Variants in PTPRT observed in about 807,000 individuals in gnomAD.
The protein encoded by PTPRT is receptor-type tyrosine-protein phosphatase T.
PTPRT carries 56 observed loss-of-function variants against 176.8 expected under a neutral mutation model. That is an observed-to-expected ratio of 0.32 (90% CI 0.26 to 0.40). The LOEUF is 0.40. Ranked by LOEUF, PTPRT falls within the 10% of genes least tolerant of loss-of-function variation. The pLI, the probability that PTPRT is intolerant of heterozygous loss-of-function variation, is 1.00. For synonymous variants in PTPRT, 783 were observed against 739.0 expected (o/e 1.06, Z -0.96); for missense variants, 1,540 against 1,908.2 (o/e 0.81, Z 3.60).
intron 1 of PTPRT, among the ~76,000 whole-genome samples, chr20:42,895,035 T>G (rs965638755): frequency 6.6e-6 from 1 of 152,046 alleles, no homozygotes; most frequent in African/African-American, 2.4e-5. Context: ...CACAGAAAAA[T>G]AATGTGGTCA....
intron 9 of PTPRT, among the ~76,000 whole-genome samples, chr20:42,393,441 G>A (rs1420671414): frequency 6.6e-6 from 1 of 152,074 alleles, no homozygotes; most frequent in Admixed American, 6.6e-5. Flanking sequence ...AACCACGAAG[G>A]AATACACAAA....
intron 7 of PTPRT, among the ~76,000 whole-genome samples, chr20:42,664,323 A>G (rs1277111953): frequency 6.6e-6 from 1 of 152,076 alleles, no homozygotes; most frequent in African/African-American, 2.4e-5. Flanking sequence ...ACACCAGTTT[A>G]CTAACCTGCT....
At chr20:43,138,766 C>A (rs1054237039) in intron 1 of PTPRT, among the ~76,000 whole-genome samples, 3 of 152,190 alleles carry the variant, frequency 2.0e-5, no homozygotes, top group African/African-American at 7.2e-5. Flanking sequence ...CAGTCCCCTG[C>A]CACAGCCACA....
At chr20:42,587,963 C>G (rs1271256904) in intron 7 of PTPRT, among the ~76,000 whole-genome samples, 1 of 152,126 alleles carries the variant, frequency 6.6e-6, no homozygotes, top group African/African-American at 2.4e-5. Flanking sequence ...TACCTGCTGT[C>G]ATGATGGTCA....
At chr20:42,449,015 T>G (rs868200549) in intron 8 of PTPRT, among the ~76,000 whole-genome samples, 1 of 152,166 alleles carries the variant, frequency 6.6e-6, no homozygotes, top group African/African-American at 2.4e-5. Flanking sequence ...AAATGCAAAG[T>G]GAGCTTCCCA....
chr20:43,039,820 C>G (rs182508061), intron 1 of PTPRT, among the ~76,000 whole-genome samples: 1 of 152,256 alleles, frequency 6.6e-6, no homozygotes, highest in Admixed American at 6.5e-5. Flanking sequence ...GTGGGCAGAT[C>G]ACCTGAGCTC....
chr20:42,765,994 G>C (rs2076977505), intron 5 of PTPRT, among the ~76,000 whole-genome samples: 1 of 151,916 alleles, frequency 6.6e-6, no homozygotes, highest in Non-Finnish European at 1.5e-5. Flanking sequence ...TTACTCATTG[G>C]AAAAATATGC....
intron 1 of PTPRT, among the ~76,000 whole-genome samples, chr20:43,184,023 T>C (rs2015329293): frequency 1.3e-5 from 2 of 152,232 alleles, no homozygotes; most frequent in Admixed American, 1.3e-4. Flanking sequence ...TTCCTAGAAG[T>C]GGAATTGCTG....
chr20:42,934,013 C>G (rs1216817558), intron 1 of PTPRT, among the ~76,000 whole-genome samples: 1 of 152,226 alleles, frequency 6.6e-6, no homozygotes, highest in Non-Finnish European at 1.5e-5. Context: ...CATTTTTCCC[C>G]AGTGCCTAAC....
chr20:42,704,864 A>G (rs950082717), intron 6 of PTPRT, among the ~76,000 whole-genome samples: 3 of 152,176 alleles, frequency 2.0e-5, no homozygotes. Flanking sequence ...TACCTTTCCT[A>G]TTCGATTGTT....
chr20:42,937,852 A>T (rs1020351154), intron 1 of PTPRT, among the ~76,000 whole-genome samples: 1 of 152,222 alleles, frequency 6.6e-6, no homozygotes. Flanking sequence ...CTCTTGGAAA[A>T]TTTTGAGATA....
chr20:42,237,762 G>A (rs892283069), intron 14 of PTPRT, among the ~76,000 whole-genome samples: 6 of 152,112 alleles, frequency 3.9e-5, no homozygotes, highest in Admixed American at 3.9e-4. Flanking sequence ...AAATAGGAGT[G>A]TTCTTATTTC....
intron 1 of PTPRT, among the ~76,000 whole-genome samples, chr20:43,072,103 C>T (rs186880894): frequency 2.0e-5 from 3 of 152,312 alleles, no homozygotes; most frequent in Admixed American, 1.3e-4. Context: ...CAATGTCTAC[C>T]GAGTCAAACC....
In PTPRT at chr20:42,205,160, C is replaced by CGAAG. The variant is rs1169237220; in HGVS notation, c.2343-5776_2343-5773dup. The stretch of plus-strand genomic sequence containing the variant: ...GGTGCAGCACACCAACATGGCACAA[C>CGAAG]GAAGGAATTTCTAGCAAAGTAGAAC... On this transcript the variant is annotated intron_variant, in intron 15 of 30. Transcript: ENST00000373187. Among the ~76,000 whole-genome samples, 4 of 151,910 alleles carry CGAAG rather than the reference C, an allele frequency of 2.6e-5. No homozygotes were observed. The East Asian group carries it at 5.9e-4, about 22-fold the overall frequency.
intron 7 of PTPRT, among the ~76,000 whole-genome samples, chr20:42,544,541 A>T (rs773428477): frequency 1.3e-5 from 2 of 151,898 alleles, no homozygotes; most frequent in Non-Finnish European, 2.9e-5. Context: ...TGACTGTTTC[A>T]CTCCTGTTGT....
chr20:42,467,823 A>G (rs1663352381), intron 8 of PTPRT, among the ~76,000 whole-genome samples: 1 of 152,094 alleles, frequency 6.6e-6, no homozygotes, highest in African/African-American at 2.4e-5. Flanking sequence ...TATTCTTTCG[A>G]TTTTTCTAGC....
intron 7 of PTPRT, among the ~76,000 whole-genome samples, chr20:42,643,496 TA>T (rs2074812236): frequency 6.6e-6 from 1 of 151,852 alleles, no homozygotes; most frequent in Admixed American, 6.6e-5. Context: ...TATTTTTTTT[TA>T]ATTGAGACAA....
chr20:42,378,591 T>G (rs935766026), intron 9 of PTPRT, among the ~76,000 whole-genome samples: 4 of 152,214 alleles, frequency 2.6e-5, no homozygotes, highest in African/African-American at 9.6e-5. Flanking sequence ...CTGAGGCATA[T>G]CTCAGTGAGT....
chr20:42,141,097 C>T (rs1988602709), intron 18 of PTPRT, among the ~76,000 whole-genome samples: 1 of 152,174 alleles, frequency 6.6e-6, no homozygotes, highest in African/African-American at 2.4e-5. Context: ...AGGTAAAGCT[C>T]ATTGTTGAGC....
Sources: gnomAD v4.1 joint callset for allele counts (sites outside exome capture counted in the v4.1 genomes callset) on GRCh38, gnomAD v4.1.1 for gene constraint, MANE v1.5 for transcripts, NCBI Gene and HGNC (gene_info 2026-07-23, HGNC 2026-07-21) for gene names.